The following GTF2I variants were observed in gnomAD, a reference collection of about 807,000 sequenced individuals.
GTF2I encodes the protein general transcription factor II-I.
A neutral mutation model predicts 67.6 loss-of-function variants in GTF2I; 12 were observed. The ratio of observed to expected loss-of-function variants is 0.18; its 90% CI spans 0.11 to 0.29. The LOEUF (loss-of-function observed/expected upper bound fraction) is 0.29. GTF2I is among the 10% of genes least tolerant of loss of function. GTF2I has a pLI of 1.00. For missense variants in GTF2I, 271 were observed against 580.1 expected (o/e 0.47, Z 5.47); for synonymous variants, 149 against 197.0 (o/e 0.76, Z 2.04).
chr7:74,693,803 A>G (rs67755137), intron 3 of GTF2I, among the ~76,000 whole-genome samples: 130,210 of 151,968 alleles, frequency 0.86, 56,042 homozygotes, highest in East Asian at 0.97. Context: ...CCAAGATCGC[A>G]CCACTGCACT....
intron 7 of GTF2I, among the ~76,000 whole-genome samples, chr7:74,705,538 G>A (rs377229825): frequency 4.0e-4 from 58 of 145,074 alleles, no homozygotes; most frequent in Middle Eastern, 3.4e-3. Flanking sequence ...AAAGTACTAA[G>A]TTCAGTTGGT....
At chr7:74,677,315 C>G (rs587665022) in intron 1 of GTF2I, among the ~76,000 whole-genome samples, 27 of 152,172 alleles carry the variant, frequency 1.8e-4, no homozygotes, top group Non-Finnish European at 3.8e-4. Flanking sequence ...CTTTTTCTTA[C>G]CACTCATTGT....
intron 1 of GTF2I, among the ~76,000 whole-genome samples, chr7:74,665,024 C>A (rs1194746491): frequency 1.3e-5 from 2 of 151,178 alleles, no homozygotes; most frequent in Non-Finnish European, 1.5e-5. Flanking sequence ...ACCGCAATCT[C>A]CGCCTACTGG....
At chr7:74,667,358 C>T (rs1320665264) in intron 1 of GTF2I, among the ~76,000 whole-genome samples, 1 of 151,996 alleles carries the variant, frequency 6.6e-6, no homozygotes, top group Non-Finnish European at 1.5e-5. Flanking sequence ...AAAGAAAATC[C>T]TGTAAGATGA....
intron 8 of GTF2I, among the ~76,000 whole-genome samples, chr7:74,708,639 C>T (rs1554401986): frequency 6.6e-6 from 1 of 152,180 alleles, no homozygotes; most frequent in Non-Finnish European, 1.5e-5. Flanking sequence ...AGGCCCAGAT[C>T]TCTTCTCCTC....
intron 11 of GTF2I, 42 bp from the exon 12 acceptor site, chr7:74,718,837 G>T: frequency 1.0e-6 from 1 of 993,056 alleles, no homozygotes. Context: ...ATGGAAACAT[G>T]CTTAATAATG....
chr7:74,700,183 A>G (rs1584187363), intron 4 of GTF2I, 64 bp from the exon 5 acceptor site: 17 of 1,538,370 alleles, frequency 1.1e-5, no homozygotes, highest in Non-Finnish European at 1.4e-5. Context: ...ACAATAAGCT[A>G]GCGATGATTT....
At chr7:74,659,394 ATT>A (rs782262816) in intron 1 of GTF2I, among the ~76,000 whole-genome samples, 1 of 145,040 alleles carries the variant, frequency 6.9e-6, no homozygotes. Flanking sequence ...TGCCCTGCTA[ATT>A]TTTTTTTTTT....
Position 74,711,059 on chromosome 7 carries a change from C to G in GTF2I, c.713C>G (p.Thr238Arg). Residue 238 changes from threonine (T) to arginine (R), a missense_variant, in exon 9 of 35, where the codon ACA becomes AGA. Coordinates refer to ENST00000573035, the MANE Select transcript of GTF2I (RefSeq NM_032999.4). ...SGISLEMAAV[T>R]VKEESEDPDY... The stretch of plus-strand genomic sequence containing the variant: ...ATTTCCCTGGAAATGGCAGCTGTGA[C>G]AGTAAAGGAAGAATCAGAAGATCCT... 6.5e-7 allele frequency: 1 copy of G among 1,541,250 alleles called. No individual in the cohort carries two copies. Among genetic ancestry groups the G allele is most frequent in the Non-Finnish European group, 8.8e-7 (1 of 1,132,064 alleles).
chr7:74,702,000 G>A (rs965630074), intron 6 of GTF2I, among the ~76,000 whole-genome samples: 13 of 152,126 alleles, frequency 8.5e-5, no homozygotes, highest in African/African-American at 2.7e-4. Context: ...AGGTGTAGCC[G>A]TAGCTTCTTT....
chr7:74,704,122 A>G (rs150416046), intron 6 of GTF2I, among the ~76,000 whole-genome samples: 304 of 152,296 alleles, frequency 2.0e-3, no homozygotes, highest in African/African-American at 7.0e-3. Context: ...ACCTTGTGAT[A>G]TTAGTAGGAA....
At chr7:74,668,686 GCCTCAGCCA>G (rs1805197219) in intron 1 of GTF2I, among the ~76,000 whole-genome samples, 1 of 151,826 alleles carries the variant, frequency 6.6e-6, no homozygotes, top group African/African-American at 2.4e-5. Context: ...CAATTCTCCT[GCCTCAGCCA>G]CCTGAGTAGC....
chr7:74,662,204 CTTTT>C (rs59914241), intron 1 of GTF2I, among the ~76,000 whole-genome samples: 9 of 82,592 alleles, frequency 1.1e-4, no homozygotes, highest in African/African-American at 4.4e-4. Flanking sequence ...TTTTTTCTTT[CTTTT>C]TTTTTTTTTT....
At chr7:74,691,143 A>C in intron 3 of GTF2I, 32 bp downstream of exon 3, 1 of 1,438,726 alleles carries the variant, frequency 7.0e-7, no homozygotes, top group Non-Finnish European at 9.7e-7. Flanking sequence ...TTTGCATTTC[A>C]TTAATTTTAA....
chr7:74,680,099 A>AAAAATAT, intron 1 of GTF2I, among the ~76,000 whole-genome samples: 5 of 94,962 alleles, frequency 5.3e-5, no homozygotes, highest in African/African-American at 1.6e-4. Context: ...AAAAAAAAAA[A>AAAAATAT]ATATATATAT....
chr7:74,690,835 TTTG>T, intron 2 of GTF2I, 135 bp from the exon 3 acceptor site: 2 of 786,346 alleles, frequency 2.5e-6, no homozygotes, highest in Non-Finnish European at 4.3e-6. Flanking sequence ...TGTGTTGTCT[TTTG>T]TTTAAAATCA....
intron 10 of GTF2I, among the ~76,000 whole-genome samples, chr7:74,715,494 A>C (rs587718656): frequency 9.2e-5 from 14 of 152,102 alleles, no homozygotes; most frequent in Admixed American, 9.2e-4. Flanking sequence ...ATACAGAATT[A>C]TTGCTTACAC....
chr7:74,711,981 ACT>A (rs1185389250), intron 9 of GTF2I, among the ~76,000 whole-genome samples: 2 of 132,174 alleles, frequency 1.5e-5, no homozygotes, highest in African/African-American at 5.8e-5. Context: ...ACAGAGTCTC[ACT>A]CTGTTGCCCA....
At chr7:74,724,418 C>T (rs587703189) in intron 12 of GTF2I, among the ~76,000 whole-genome samples, 5 of 152,062 alleles carry the variant, frequency 3.3e-5, no homozygotes, top group South Asian at 2.1e-4. Flanking sequence ...ATTGATTCAC[C>T]GGCCAGAATG....
Sources: allele counts gnomAD v4.1 joint callset (sites outside exome capture counted in the v4.1 genomes callset), GRCh38; gene constraint gnomAD v4.1.1; transcripts MANE v1.5; gene names NCBI Gene and HGNC (gene_info 2026-07-23, HGNC 2026-07-21).